Variants in RNF40 observed in about 807,000 individuals in gnomAD.
RNF40 encodes E3 ubiquitin-protein ligase BRE1B.
In RNF40, 39 loss-of-function variants were observed where a neutral mutation model predicts 123.3. That is an observed-to-expected ratio of 0.32 (90% CI 0.24 to 0.41). The LOEUF (loss-of-function observed/expected upper bound fraction) is 0.41, where lower values mean the gene tolerates loss of function less well. RNF40 is among the 10% of genes least tolerant of loss of function. The pLI, the probability that RNF40 is intolerant of heterozygous loss-of-function variation, is 1.00. For missense variants in RNF40, 1,003 were observed against 1,319.9 expected (o/e 0.76, Z 3.72); for synonymous variants, 538 against 526.0 (o/e 1.02, Z -0.31).
At position 30,765,421 on chromosome 16, in the gene RNF40, A is replaced by G. The variant is rs551750381; in HGVS notation, c.919-4A>G. The G allele has an allele frequency of 1.2e-5, 19 of 1,614,166 alleles. No homozygotes were observed. The highest frequency in any genetic ancestry group is 1.6e-4 in the Middle Eastern group (1 of 6,062). On this transcript the variant is annotated splice_region_variant and splice_polypyrimidine_tract_variant and intron_variant, in intron 7 of 19. Transcript: ENST00000324685. ...TCCATTGCCTGTCTGTTTTCTCTCCACAGCTTAACTCTGGCTACTATGTAT... is the reference window on the plus strand; with the variant it reads ...TCCATTGCCTGTCTGTTTTCTCTCCGCAGCTTAACTCTGGCTACTATGTAT...
rs190015246 is a variant in RNF40, at chr16:30,770,176, G to A, written c.2586+576G>A. Among the ~76,000 whole-genome samples, 58 of 141,192 alleles carry A rather than the reference G, an allele frequency of 4.1e-4. No individual in the cohort carries two copies. In the East Asian group the frequency reaches 6.2e-3, roughly 15 times the overall value. The allele number at this position is 141,192 out of a possible 152,430, so 92.6% of individuals were successfully genotyped here. On this transcript the variant is annotated intron_variant, in intron 17 of 19. Coordinates refer to ENST00000324685, the MANE Select transcript of RNF40 (RefSeq NM_014771.4). ...GGCTGGAGTGCAGTGGTGCGATCTC[G>A]GCTCACTGCAACCTCCGCCTCCCAG... is the stretch of plus-strand genomic sequence containing the variant.
Position 30,769,613 on chromosome 16 carries a change from C to T in RNF40, c.2586+13C>T, listed in dbSNP as rs574791217. On this transcript the variant is annotated intron_variant, in intron 17 of 19. Transcript: ENST00000324685. ...CAACAAGCGGAAGGTGAGGCTGGGC[C>T]AGGGGGACACACAGCTTGGGCTGCT... The T allele has an allele frequency of 1.6e-5, 24 of 1,535,834 alleles. No individual in the cohort carries two copies. Among genetic ancestry groups the T allele is most frequent in the African/African-American group, 1.1e-4 (8 of 73,048 alleles).
At chr16:30,762,967 T>G in intron 2 of RNF40, 151 bp from the exon 3 acceptor site, 1 of 908,868 alleles carries the variant, frequency 1.1e-6, no homozygotes, top group Non-Finnish European at 1.6e-6. Context: ...CGCTGTGTGT[T>G]GTCTGAGCCT....
At position 30,775,345 on chromosome 16, in the gene RNF40, T is replaced by G. The variant is rs893521958; in HGVS notation, c.*1231T>G. The G allele has an allele frequency of 1.0e-5, 3 of 287,460 alleles. No individual in the cohort carries two copies. Among genetic ancestry groups the G allele is most frequent in the Non-Finnish European group, 2.0e-5 (3 of 146,818 alleles). The allele number at this position is 287,460 out of a possible 1,614,324, so 17.8% of individuals were successfully genotyped here. Reference sequence around the variant, plus strand: ...GGGCCTGAAGGGGAGAGCGTGGTGGTCGTCGCGGAGCCGCCTGTCCTGCTC... The same window carrying G: ...GGGCCTGAAGGGGAGAGCGTGGTGGGCGTCGCGGAGCCGCCTGTCCTGCTC... On this transcript the variant is annotated 3_prime_UTR_variant, in exon 20 of 20. Transcript: ENST00000324685.
chr16:30,775,153 TA>T lies in RNF40; in HGVS notation c.*1041del. 1 of 383,524 alleles carries T rather than the reference TA, an allele frequency of 2.6e-6. No homozygotes were observed. 23.8% of individuals were successfully genotyped at this position (383,524 alleles called of 1,614,324 possible). A position where few individuals can be genotyped will look rare whatever the true frequency, so the allele number is the denominator to read the frequency against. On this transcript the variant is annotated 3_prime_UTR_variant, in exon 20 of 20. Coordinates refer to ENST00000324685, the MANE Select transcript of RNF40 (RefSeq NM_014771.4). ...TTCTAGAGATGCTTGTATAGGCTGT[TA>T]ATTGTGATGAATAAACGTTCAACCC...
At position 30,774,215 on chromosome 16, in the gene RNF40, C is replaced by A; in HGVS notation, c.*101C>A. 1 of 1,260,964 alleles carries A rather than the reference C, an allele frequency of 7.9e-7. No homozygotes were observed. Among genetic ancestry groups the A allele is most frequent in the Non-Finnish European group, 1.1e-6 (1 of 919,658 alleles). The allele number at this position is 1,260,964 out of a possible 1,614,324, so 78.1% of individuals were successfully genotyped here. On this transcript the variant is annotated 3_prime_UTR_variant, in exon 20 of 20. Transcript: ENST00000324685. Reference sequence around the variant, plus strand: ...AGTGGCCCCACCCTCCATTCCGGACCCCATGGGCCCAGCCCCTGCCCATCT... The same window carrying A: ...AGTGGCCCCACCCTCCATTCCGGACACCATGGGCCCAGCCCCTGCCCATCT...
At chr16:30,761,849 C>T, upstream of RNF40, 3 of 1,171,294 alleles carry the variant, frequency 2.6e-6, no homozygotes, top group Middle Eastern at 2.9e-4. Flanking sequence ...GGCCCGTTCG[C>T]CTCGCTCCGG....
Position 30,764,195 on chromosome 16 carries a change from G to C in RNF40, c.459G>C (p.Gln153His), listed in dbSNP as rs1259474276. The C allele has an allele frequency of 6.2e-7, 1 of 1,609,706 alleles. No homozygotes were observed. The highest frequency in any genetic ancestry group is 8.5e-7 in the Non-Finnish European group (1 of 1,177,896). ...TCCTTCCAGACCCCTTGCTGATGCA[G>C]CTGCGGCCCCCTCTCAGTGAGCCGG... ...TSELRDPLLM[Q>H]LRPPLSEPAL... is the part of the protein sequence containing the mutation. Residue 153 changes from glutamine (Q) to histidine (H), a missense_variant, in exon 5 of 20, where the codon CAG becomes CAC. This residue lies in a region of RNF40 where 104 missense variants were observed against 85.2 expected (regional missense o/e 1.22). Coordinates refer to ENST00000324685, the MANE Select transcript of RNF40 (RefSeq NM_014771.4).
rs1343686759 is a variant in RNF40 at position 30,767,651 on chromosome 16, A to G, written c.1430-243A>G. The G allele has an allele frequency of 2.7e-5, 12 of 438,582 alleles. No individual in the cohort carries two copies. In the South Asian group the frequency reaches 4.4e-4, roughly 16 times the overall value. The allele number at this position is 438,582 out of a possible 1,614,324, so 27.2% of individuals were successfully genotyped here. A position where few individuals can be genotyped will look rare whatever the true frequency, so the allele number is the denominator to read the frequency against. On this transcript the variant is annotated intron_variant, in intron 11 of 19. Coordinates refer to ENST00000324685, the MANE Select transcript of RNF40 (RefSeq NM_014771.4). ...GAGACACTGTTTCTATTTAAAAAAA[A>G]AACAAAAAACCCCACATATTCTATA...
Position 30,774,945 on chromosome 16 carries a change from G to T in RNF40, c.*831G>T. On this transcript the variant is annotated 3_prime_UTR_variant, in exon 20 of 20. Transcript: ENST00000324685. ...GAACTTCCCAGGAGGGGAAGGGACA[G>T]ACCAGCCCCAGCCGCTGGGCCAACT... 2.2e-6 allele frequency: 1 copy of T among 456,484 alleles called. No homozygotes were observed. Among genetic ancestry groups the T allele is most frequent in the South Asian group, 1.5e-5 (1 of 64,562 alleles). 28.3% of individuals were successfully genotyped at this position (456,484 alleles called of 1,614,324 possible).
upstream of RNF40, chr16:30,762,241 C>T (rs1010453552): frequency 4.9e-6 from 2 of 407,106 alleles, no homozygotes; most frequent in South Asian, 4.6e-5. Flanking sequence ...TCCTCACATC[C>T]GGGGCTGCCT....
Position 30,774,728 on chromosome 16 carries a change from G to T in RNF40, c.*614G>T. On this transcript the variant is annotated 3_prime_UTR_variant, in exon 20 of 20. Coordinates refer to ENST00000324685, the MANE Select transcript of RNF40 (RefSeq NM_014771.4). Reference sequence around the variant, plus strand: ...CTTGCTTCCTTTGGGAAGCTCTAAGGTTGCTGCAGTCACCTTCCTCATCTT... The same window carrying T: ...CTTGCTTCCTTTGGGAAGCTCTAAGTTTGCTGCAGTCACCTTCCTCATCTT... The T allele has an allele frequency of 2.9e-6, 1 of 342,286 alleles. No homozygotes were observed. The allele number at this position is 342,286 out of a possible 1,614,324, so 21.2% of individuals were successfully genotyped here.
chr16:30,768,757 T>C lies in RNF40; in HGVS notation c.2097+21T>C, dbSNP rs1360731083. ...CCGAGGTGAGGGCAGCTGGGGCTTGTGGGGCATTCAGAAAGGCAGAGCAGA... is the reference window on the plus strand; with the variant it reads ...CCGAGGTGAGGGCAGCTGGGGCTTGCGGGGCATTCAGAAAGGCAGAGCAGA... On this transcript the variant is annotated intron_variant, in intron 14 of 19. Coordinates refer to ENST00000324685, the MANE Select transcript of RNF40 (RefSeq NM_014771.4). This position sits in a 1 kb window ranked among gnomAD's most constrained non-coding sequence, Gnocchi z 4.1. The C allele has an allele frequency of 7.4e-5, 120 of 1,613,684 alleles. No individual in the cohort carries two copies. The highest frequency in any genetic ancestry group is 1.0e-4 in the Non-Finnish European group (119 of 1,179,964).
In RNF40 at chr16:30,774,597, C is replaced by T. The variant is rs1456221127; in HGVS notation, c.*483C>T. ...GAAGACTTTCCTTCACCCACCATCC[C>T]CCTAACCTCGGCAGGGCTTCTGTCC... On this transcript the variant is annotated 3_prime_UTR_variant, in exon 20 of 20. Transcript: ENST00000324685. 4 of 227,840 alleles carry T rather than the reference C, an allele frequency of 1.8e-5. No individual in the cohort carries two copies. In the East Asian group the frequency reaches 3.4e-4, roughly 20 times the overall value. The allele number at this position is 227,840 out of a possible 1,614,324, so 14.1% of individuals were successfully genotyped here. A position where few individuals can be genotyped will look rare whatever the true frequency, so the allele number is the denominator to read the frequency against.
rs758354578 is a variant in RNF40, at chr16:30,765,002, G to T, written c.714G>T (p.Arg238=). 3.7e-6 allele frequency: 6 copies of T among 1,613,824 alleles called. No homozygotes were observed. Among genetic ancestry groups the T allele is most frequent in the Non-Finnish European group, 5.1e-6 (6 of 1,180,024 alleles). The change falls in exon 6 of 20, where the codon CGG becomes CGT. Residue 238 remains arginine (R), a synonymous_variant. Coordinates refer to ENST00000324685, the MANE Select transcript of RNF40 (RefSeq NM_014771.4). ...CCCGAGAGCTGGGCCGTGAGAACCG[G>T]CGACTGCAGGACTTGGCCACTCAGC... ...AHTRELGREN[R]RLQDLATQLQ... is the part of the protein sequence containing the mutation.
At chr16:30,762,062 C>CA (rs2053842380), upstream of RNF40, 1 of 440,214 alleles carries the variant, frequency 2.3e-6, no homozygotes, top group African/African-American at 2.1e-5. Context: ...GTTGCTAATA[C>CA]GAGGGCCGGT....
At chr16:30,772,363 A>G in intron 19 of RNF40, 173 bp downstream of exon 19, 1 of 698,332 alleles carries the variant, frequency 1.4e-6, no homozygotes, top group South Asian at 1.5e-5. Context: ...TGAGCCAGGC[A>G]CAGTGCTTGG....
chr16:30,772,724 G>A (rs1356963082), intron 19 of RNF40, among the ~76,000 whole-genome samples: 3 of 152,234 alleles, frequency 2.0e-5, no homozygotes, highest in Non-Finnish European at 4.4e-5. Context: ...GGAGAGGTTG[G>A]GCCGTGTCAC....
Position 30,763,098 on chromosome 16 carries a change from C to T in RNF40, c.133-20C>T. On this transcript the variant is annotated intron_variant, in intron 2 of 19. Coordinates refer to ENST00000324685, the MANE Select transcript of RNF40 (RefSeq NM_014771.4). ...GGCCCTGCTTGACGCTCTCGTCGGC[C>T]CCTTTGTTTCCTTTGGTAGGAGGAG... 1 of 1,612,950 alleles carries T rather than the reference C, an allele frequency of 6.2e-7. No individual in the cohort carries two copies.
Sources: allele counts gnomAD v4.1 joint callset (sites outside exome capture counted in the v4.1 genomes callset), GRCh38; gene constraint gnomAD v4.1.1; regional missense constraint gnomAD v4.1.1; non-coding constraint Gnocchi (gnomAD v3.1); transcripts MANE v1.5; gene names NCBI Gene and HGNC (gene_info 2026-07-23, HGNC 2026-07-21).